DISC1: variants seen among roughly 807,000 people sequenced by gnomAD.
The protein encoded by DISC1 is DISC1 scaffold protein.
DISC1 carries 57 observed loss-of-function variants against 84.5 expected under a neutral mutation model. The ratio of observed to expected loss-of-function variants is 0.67; its 90% CI spans 0.55 to 0.84. The LOEUF is 0.84. Ranked by LOEUF, DISC1 falls within the 40% of genes least tolerant of loss-of-function variation. DISC1 has a pLI of 0.00. For synonymous variants in DISC1, 411 were observed against 415.2 expected, an observed-to-expected ratio of 0.99 and a Z score of 0.12; for missense variants, 1,000 against 1,057.8, an observed-to-expected ratio of 0.95 and a Z score of 0.76.
chr1:231,775,258 C>A (rs1476158478), intron 6 of DISC1, among the ~76,000 whole-genome samples: 1 of 152,158 alleles, frequency 6.6e-6, no homozygotes, highest in African/African-American at 2.4e-5. Flanking sequence ...TGGACAACGA[C>A]CCAACAACTT....
At chr1:231,709,757 T>C (rs1276123411) in intron 3 of DISC1, among the ~76,000 whole-genome samples, 2 of 152,218 alleles carry the variant, frequency 1.3e-5, no homozygotes, top group East Asian at 3.9e-4. Flanking sequence ...CTAGCTGAGC[T>C]GTAGCAGGAA....
intron 9 of DISC1, among the ~76,000 whole-genome samples, chr1:231,909,876 G>T (rs916077917): frequency 6.6e-6 from 1 of 152,134 alleles, no homozygotes; most frequent in Non-Finnish European, 1.5e-5. Flanking sequence ...TCTATTCAGG[G>T]ATTCAACTTC....
chr1:231,727,006 T>A (rs1558433444), intron 3 of DISC1, among the ~76,000 whole-genome samples: 1 of 152,182 alleles, frequency 6.6e-6, no homozygotes, highest in African/African-American at 2.4e-5. Context: ...GGATTAAGGC[T>A]GGCATAGTAA....
intron 3 of DISC1, among the ~76,000 whole-genome samples, chr1:231,719,880 GT>G (rs1407881104): frequency 6.6e-6 from 1 of 152,164 alleles, no homozygotes. Context: ...GACAAACAAA[GT>G]TATTTTCCGT....
At chr1:231,721,334 A>C (rs1183418571) in intron 3 of DISC1, among the ~76,000 whole-genome samples, 2 of 152,226 alleles carry the variant, frequency 1.3e-5, no homozygotes, top group African/African-American at 4.8e-5. Context: ...AGAAAAAATT[A>C]GAAGAAAATG....
At chr1:231,856,421 C>T (rs1259403880) in intron 9 of DISC1, among the ~76,000 whole-genome samples, 1 of 151,998 alleles carries the variant, frequency 6.6e-6, no homozygotes. Flanking sequence ...GTTGCTGAAA[C>T]GATATTGTGG....
At chr1:231,886,766 C>CCTTTCTTTCTTTCTTT (rs3084378) in intron 9 of DISC1, among the ~76,000 whole-genome samples, 22 of 84,428 alleles carry the variant, frequency 2.6e-4, no homozygotes, top group East Asian at 1.1e-3. Flanking sequence ...TTCCTTCCTT[C>CCTTTCTTTCTTTCTTT]CTTTCTTTCT....
chr1:231,803,163 T>C (rs1242963688), intron 8 of DISC1, among the ~76,000 whole-genome samples: 1 of 152,154 alleles, frequency 6.6e-6, no homozygotes, highest in Non-Finnish European at 1.5e-5. Flanking sequence ...AGACGGTGCA[T>C]ACATATGGTC....
At chr1:231,868,482 G>A (rs2085212674) in intron 9 of DISC1, among the ~76,000 whole-genome samples, 1 of 151,910 alleles carries the variant, frequency 6.6e-6, no homozygotes, top group African/African-American at 2.4e-5. Flanking sequence ...AAAACAGCTG[G>A]CAGCCTAATC....
At chr1:231,958,631 A>T (rs1008494199) in intron 9 of DISC1, among the ~76,000 whole-genome samples, 197 bp from the exon 10 acceptor site, 1 of 152,204 alleles carries the variant, frequency 6.6e-6, no homozygotes, top group Non-Finnish European at 1.5e-5. Context: ...CTGCAGAGAC[A>T]CTCAGAGCCC....
intron 1 of DISC1, among the ~76,000 whole-genome samples, chr1:231,627,352 C>A (rs200711858): frequency 3.3e-5 from 5 of 152,242 alleles, no homozygotes; most frequent in Non-Finnish European, 7.3e-5. Flanking sequence ...CCCCTCGGGA[C>A]AGGGGACGTC....
chr1:231,924,487 T>G (rs1256697404), intron 9 of DISC1, among the ~76,000 whole-genome samples: 2 of 152,100 alleles, frequency 1.3e-5, no homozygotes, highest in African/African-American at 4.8e-5. Flanking sequence ...TGGGTGTGAA[T>G]GTATCTGTGT....
chr1:231,849,476 A>G (rs2083716948), intron 9 of DISC1, among the ~76,000 whole-genome samples: 1 of 152,152 alleles, frequency 6.6e-6, no homozygotes, highest in Admixed American at 6.5e-5. Context: ...CAACATGCCC[A>G]AGGTCCCCAA....
chr1:231,765,360 T>G (rs1381782977), intron 4 of DISC1, among the ~76,000 whole-genome samples: 2 of 152,188 alleles, frequency 1.3e-5, no homozygotes, highest in Non-Finnish European at 2.9e-5. Flanking sequence ...ACTACAGGTG[T>G]GCATCACCAC....
chr1:231,989,677 TG>T (rs1165972181), intron 10 of DISC1, among the ~76,000 whole-genome samples: 1 of 152,082 alleles, frequency 6.6e-6, no homozygotes, highest in African/African-American at 2.4e-5. Flanking sequence ...ACTACAGAGT[TG>T]GGAAGATCGA....
intron 1 of DISC1, among the ~76,000 whole-genome samples, chr1:231,678,156 T>C (rs186587770): frequency 1.3e-3 from 193 of 152,266 alleles, no homozygotes; most frequent in Non-Finnish European, 2.2e-3. Context: ...AAGGCAAGAC[T>C]GGAATGAGAT....
chr1:231,788,685 A>G (rs1057159714), intron 6 of DISC1, among the ~76,000 whole-genome samples: 7 of 152,188 alleles, frequency 4.6e-5, no homozygotes, highest in African/African-American at 1.7e-4. Context: ...AAAAGAAGAG[A>G]GGACATCTCA....
At chr1:231,658,974 T>C (rs1209926256) in intron 1 of DISC1, among the ~76,000 whole-genome samples, 2 of 152,168 alleles carry the variant, frequency 1.3e-5, no homozygotes, top group Non-Finnish European at 2.9e-5. Context: ...GGTTTTGGTA[T>C]CAGGATGATG....
intron 1 of DISC1, among the ~76,000 whole-genome samples, chr1:231,666,878 T>A (rs542945099): frequency 5.3e-5 from 8 of 152,218 alleles, no homozygotes; most frequent in Non-Finnish European, 8.8e-5. Context: ...TTAGTAGTTC[T>A]CAGAGAGGGC....
Sources: allele counts gnomAD v4.1 joint callset (sites outside exome capture counted in the v4.1 genomes callset), GRCh38; gene constraint gnomAD v4.1.1; transcripts MANE v1.5; gene names NCBI Gene and HGNC (gene_info 2026-07-23, HGNC 2026-07-21).